Variants in USP31 observed in about 807,000 individuals in gnomAD.
USP31 encodes the protein ubiquitin carboxyl-terminal hydrolase 31.
A neutral mutation model predicts 119.4 loss-of-function variants in USP31; 44 were observed. The ratio of observed to expected loss-of-function variants is 0.37; its 90% CI spans 0.29 to 0.47. The LOEUF (loss-of-function observed/expected upper bound fraction) is 0.47. Among genes scored for constraint, USP31 ranks in the 20% least tolerant of loss-of-function variants. The pLI is 0.99. For missense variants in USP31, 1,643 were observed against 1,730.2 expected (o/e 0.95, Z 0.89); for synonymous variants, 749 against 705.6 (o/e 1.06, Z -0.97).
chr16:23,085,633 G>A lies in USP31; in HGVS notation c.1652C>T (p.Thr551Ile), dbSNP rs1555465180. Residue 551 changes from threonine (T) to isoleucine (I), a missense_variant, in exon 10 of 16, where the codon ACT becomes ATT. By Grantham distance (89) the Thr-to-Ile change is moderately conservative. Around this residue, in one of 5 missense-constraint regions of USP31, gnomAD observed 219 missense variants for 226.4 expected, o/e 0.97. Coordinates refer to ENST00000219689, the MANE Select transcript of USP31 (RefSeq NM_020718.4). ...RALKSCGPGG[T>I]AHVKLVVEWD... ...CTCGACTACTAATTTCACATGAGCA[G>A]TGCCACCTGGTCCACAAGATTTTAA... 2 of 1,614,042 alleles carry A rather than the reference G, an allele frequency of 1.2e-6. No individual in the cohort carries two copies. The highest frequency in any genetic ancestry group is 1.7e-6 in the Non-Finnish European group (2 of 1,179,980).
chr16:23,114,752 T>C (rs1020101631), intron 1 of USP31, among the ~76,000 whole-genome samples: 1 of 152,142 alleles, frequency 6.6e-6, no homozygotes, highest in Non-Finnish European at 1.5e-5. Context: ...ACAATACTCG[T>C]AACTAGGGCA....
At chr16:23,091,070 A>G (rs1901342536) in intron 6 of USP31, among the ~76,000 whole-genome samples, 1 of 152,206 alleles carries the variant, frequency 6.6e-6, no homozygotes, top group Non-Finnish European at 1.5e-5. Flanking sequence ...GGTTAGATAC[A>G]GTTTTAGAAG....
intron 7 of USP31, 71 bp from the exon 8 acceptor site, chr16:23,087,906 C>T (rs3812995): frequency 0.3 from 409,461 of 1,351,394 alleles, 63,684 homozygotes; most frequent in Admixed American, 0.41. Flanking sequence ...CTTTTTTTCT[C>T]GATCTCTTAA....
rs150005992 is a variant in USP31, at chr16:23,080,156, T to C, written c.1966A>G (p.Met656Val). The change falls in exon 13 of 16, where the codon ATG becomes GTG. Residue 656 changes from methionine to valine, a missense_variant. By Grantham distance (21) the Met-to-Val change is conservative. Transcript: ENST00000219689. The stretch of plus-strand genomic sequence containing the variant: ...AATTTGACCATGTTCTGAAGTTTCA[T>C]GCGCCTGTCTCCTTCCTGTTGCAAG... ...KRFRQEGDRRMKLQNMVKFPL... is the reference protein window; with the variant it reads ...KRFRQEGDRRVKLQNMVKFPL... The C allele has an allele frequency of 1.9e-6, 3 of 1,553,496 alleles. No individual in the cohort carries two copies. Among genetic ancestry groups the C allele is most frequent in the African/African-American group, 2.8e-5 (2 of 72,260 alleles).
chr16:23,148,556 G>A, intron 1 of USP31, 82 bp downstream of exon 1: 1 of 1,383,390 alleles, frequency 7.2e-7, no homozygotes. Flanking sequence ...GGGCCAAGAG[G>A]AACCGAGGGA....
At chr16:23,144,503 A>G (rs1000398015) in intron 1 of USP31, among the ~76,000 whole-genome samples, 16 of 151,432 alleles carry the variant, frequency 1.1e-4, no homozygotes, top group African/African-American at 3.6e-4. Flanking sequence ...TTTTTGAGGC[A>G]GAGTCTCACT....
chr16:23,061,509 A>G lies in USP31; in HGVS notation c.*6537T>C, dbSNP rs1899828400. The G allele has an allele frequency of 6.6e-6, 1 of 152,648 alleles. No individual in the cohort carries two copies. Among genetic ancestry groups the G allele is most frequent in the Admixed American group, 6.5e-5 (1 of 15,288 alleles). The allele number at this position is 152,648 out of a possible 1,614,324, so 9.5% of individuals were successfully genotyped here. A position where few individuals can be genotyped will look rare whatever the true frequency, so the allele number is the denominator to read the frequency against. ...TATAATCAACGCTGTTTCAGAAATA[A>G]AACGTTTCAAACGTAAAAATATAAA... On this transcript the variant is annotated 3_prime_UTR_variant, in exon 16 of 16. Coordinates refer to ENST00000219689, the MANE Select transcript of USP31 (RefSeq NM_020718.4).
intron 6 of USP31, among the ~76,000 whole-genome samples, chr16:23,093,072 C>G (rs1321246805): frequency 1.3e-5 from 2 of 152,126 alleles, no homozygotes; most frequent in African/African-American, 4.8e-5. Flanking sequence ...AGAGCTAAAA[C>G]TACAAAACTC....
At chr16:23,111,600 G>A (rs1470634261) in intron 1 of USP31, among the ~76,000 whole-genome samples, 1 of 152,170 alleles carries the variant, frequency 6.6e-6, no homozygotes, top group Non-Finnish European at 1.5e-5. Flanking sequence ...CAAAGATTTG[G>A]AATTCAACAG....
intron 6 of USP31, among the ~76,000 whole-genome samples, chr16:23,099,811 G>GA (rs1425429913): frequency 1.3e-5 from 2 of 152,116 alleles, no homozygotes; most frequent in Admixed American, 1.3e-4. Context: ...CAGCATATGT[G>GA]AAAATTCCTA....
chr16:23,113,515 A>T (rs1814521355), intron 1 of USP31, among the ~76,000 whole-genome samples: 1 of 152,206 alleles, frequency 6.6e-6, no homozygotes, highest in African/African-American at 2.4e-5. Context: ...CGGAAGCAAT[A>T]ATGAAAACTA....
chr16:23,140,803 C>A (rs1312485352), intron 1 of USP31, among the ~76,000 whole-genome samples: 1 of 152,190 alleles, frequency 6.6e-6, no homozygotes, highest in Non-Finnish European at 1.5e-5. Context: ...CCAGCAATCA[C>A]CCAGTTGCTC....
rs550882000 is a variant in USP31 at position 23,085,055 on chromosome 16, T to G, written c.1701-66A>C. 10 of 1,583,798 alleles carry G rather than the reference T, an allele frequency of 6.3e-6. No homozygotes were observed. In the African/African-American group the frequency reaches 1.3e-4, roughly 21 times the overall value. On this transcript the variant is annotated intron_variant, in intron 10 of 15. Coordinates refer to ENST00000219689, the MANE Select transcript of USP31 (RefSeq NM_020718.4). Reference sequence around the variant, plus strand: ...CAAAACAGAAGGAAAAATACAATTATGGCTTCATGAAGTGACTACAAACTC... The same window carrying G: ...CAAAACAGAAGGAAAAATACAATTAGGGCTTCATGAAGTGACTACAAACTC...
intron 6 of USP31, among the ~76,000 whole-genome samples, chr16:23,092,102 T>A (rs1414892518): frequency 2.6e-5 from 4 of 151,956 alleles, no homozygotes; most frequent in African/African-American, 9.7e-5. Context: ...GAGCTGGGAG[T>A]GGTTACTTCA....
chr16:23,108,274 T>A (rs1902190687), intron 1 of USP31, 91 bp from the exon 2 acceptor site: 21 of 1,496,844 alleles, frequency 1.4e-5, no homozygotes, highest in Non-Finnish European at 1.9e-5. Flanking sequence ...GGATGCAAGA[T>A]CTCAAGGGTG....
intron 1 of USP31, among the ~76,000 whole-genome samples, chr16:23,148,136 A>C (rs1903581292): frequency 6.6e-6 from 1 of 152,220 alleles, no homozygotes; most frequent in African/African-American, 2.4e-5. Flanking sequence ...TAAATAAAAA[A>C]CGGTTAAATA....
Position 23,068,306 on chromosome 16 carries a change from C to T in USP31, c.3799G>A (p.Gly1267Arg), listed in dbSNP as rs369257971. 142 of 1,613,960 alleles carry T rather than the reference C, an allele frequency of 8.8e-5. No individual in the cohort carries two copies. Among genetic ancestry groups the T allele is most frequent in the Admixed American group, 2.5e-4 (15 of 60,022 alleles). ...TGGCCTCTCTCTGCCTCGTCGTCCC[C>T]GGTGTTCTTACAGACAGACTTAACA... ...SSVKSVCKNT[G>R]DDEAERGHQP... The change falls in exon 16 of 16, where the codon GGG becomes AGG. Residue 1267 changes from glycine (G) to arginine (R), a missense_variant. Physicochemically the swap from Gly to Arg is moderately radical, Grantham distance 125. Around this residue, in one of 5 missense-constraint regions of USP31, gnomAD observed 699 missense variants for 650.9 expected, o/e 1.07. Coordinates refer to ENST00000219689, the MANE Select transcript of USP31 (RefSeq NM_020718.4).
In USP31 at chr16:23,069,553, G is replaced by A; in HGVS notation, c.2552C>T (p.Ser851Phe). The A allele has an allele frequency of 6.2e-7, 1 of 1,614,070 alleles. No homozygotes were observed. Among genetic ancestry groups the A allele is most frequent in the Non-Finnish European group, 8.5e-7 (1 of 1,179,906 alleles). ...ATTGACGGCCAAGGGGCTGGTGACA[G>A]AAGATCTGGATGACAAACTCTGACG... is the stretch of plus-strand genomic sequence containing the variant. ...VQRQSLSSRS[S>F]VTSPLAVNEN... is the part of the protein sequence containing the mutation. Residue 851 changes from serine (S) to phenylalanine (F), a missense_variant, in exon 16 of 16, where the codon TCT becomes TTT. This residue lies in a region of USP31 where 699 missense variants were observed against 650.9 expected (regional missense o/e 1.07). Coordinates refer to ENST00000219689, the MANE Select transcript of USP31 (RefSeq NM_020718.4).
chr16:23,143,338 C>G (rs571853265), intron 1 of USP31, among the ~76,000 whole-genome samples: 1 of 152,162 alleles, frequency 6.6e-6, no homozygotes, highest in Non-Finnish European at 1.5e-5. Flanking sequence ...TGCTGCAAAA[C>G]GGCTCTGAGC....
Sources: gnomAD v4.1 joint callset for allele counts (sites outside exome capture counted in the v4.1 genomes callset) on GRCh38, gnomAD v4.1.1 for gene constraint, gnomAD v4.1.1 regional missense constraint, MANE v1.5 for transcripts, NCBI Gene and HGNC (gene_info 2026-07-23, HGNC 2026-07-21) for gene names.